The following ROBO2 variants were observed in gnomAD, a reference collection of about 807,000 sequenced individuals.
ROBO2 encodes roundabout guidance receptor 2.
ROBO2 carries 53 observed loss-of-function variants against 160.8 expected under a neutral mutation model. That is an observed-to-expected ratio of 0.33 (90% CI 0.26 to 0.41). The LOEUF (loss-of-function observed/expected upper bound fraction) is 0.41. Ranked by LOEUF, ROBO2 falls within the 10% of genes least tolerant of loss-of-function variation. ROBO2 has a pLI of 1.00. For synonymous variants in ROBO2, 664 were observed against 611.7 expected (o/e 1.09, Z -1.26); for missense variants, 1,577 against 1,722.4 (o/e 0.92, Z 1.49).
intron 2 of ROBO2, among the ~76,000 whole-genome samples, chr3:76,945,001 G>T (rs2078433192): frequency 6.6e-6 from 1 of 151,802 alleles, no homozygotes; most frequent in African/African-American, 2.4e-5. Flanking sequence ...CCATTCTCCT[G>T]CCTCAGCCTC....
chr3:76,730,218 C>A (rs2093614775), intron 2 of ROBO2, among the ~76,000 whole-genome samples: 2 of 86,432 alleles, frequency 2.3e-5, no homozygotes, highest in Non-Finnish European at 5.6e-5. Context: ...ACCTCCTACT[C>A]CCTACCCACC....
intron 1 of ROBO2, among the ~76,000 whole-genome samples, chr3:75,927,770 T>C (rs1208625201): frequency 2.6e-5 from 4 of 152,232 alleles, no homozygotes; most frequent in African/African-American, 9.6e-5. Context: ...CACTTAGAAT[T>C]ATGCTAAACA....
chr3:77,271,922 G>C (rs1448348156), intron 2 of ROBO2, among the ~76,000 whole-genome samples: 1 of 152,170 alleles, frequency 6.6e-6, no homozygotes, highest in Non-Finnish European at 1.5e-5. Context: ...TCTTTGAGTG[G>C]TGGATAGTGG....
At chr3:76,753,697 A>C (rs1446451939) in intron 2 of ROBO2, among the ~76,000 whole-genome samples, 4 of 151,924 alleles carry the variant, frequency 2.6e-5, no homozygotes, top group African/African-American at 9.7e-5. Context: ...CTATTTAAAA[A>C]GACAGAACGC....
chr3:76,726,326 ATTAT>A (rs2093552585), intron 2 of ROBO2, among the ~76,000 whole-genome samples: 1 of 152,010 alleles, frequency 6.6e-6, no homozygotes, highest in African/African-American at 2.4e-5. Context: ...GAAATCGTTA[ATTAT>A]TAGTAGTTCT....
At chr3:76,424,386 C>A (rs1577096136) in intron 2 of ROBO2, among the ~76,000 whole-genome samples, 1 of 151,958 alleles carries the variant, frequency 6.6e-6, no homozygotes, top group South Asian at 2.1e-4. Context: ...TACAAATATT[C>A]TGTGAAATAA....
At chr3:76,614,695 G>A (rs928043018) in intron 2 of ROBO2, among the ~76,000 whole-genome samples, 13 of 151,970 alleles carry the variant, frequency 8.6e-5, no homozygotes, top group Middle Eastern at 3.2e-3. Context: ...TAATGCATGC[G>A]CAATAACAGT....
intron 2 of ROBO2, among the ~76,000 whole-genome samples, chr3:76,388,107 G>C (rs145599335): frequency 8.7e-4 from 133 of 152,130 alleles, no homozygotes; most frequent in African/African-American, 2.7e-3. Flanking sequence ...TGTAATTACT[G>C]GGTCACCAAC....
At chr3:76,453,958 G>C (rs1313619805) in intron 2 of ROBO2, among the ~76,000 whole-genome samples, 1 of 152,112 alleles carries the variant, frequency 6.6e-6, no homozygotes, top group Non-Finnish European at 1.5e-5. Flanking sequence ...AGCCCAGAAA[G>C]TGCATGAGTA....
chr3:76,305,843 T>A (rs561423150), intron 2 of ROBO2, among the ~76,000 whole-genome samples: 1 of 150,516 alleles, frequency 6.6e-6, no homozygotes, highest in Non-Finnish European at 1.5e-5. Context: ...CAAGACTCCA[T>A]CTCAAAAAAA....
intron 2 of ROBO2, among the ~76,000 whole-genome samples, chr3:76,731,560 T>G (rs549827808): frequency 6.6e-6 from 1 of 152,332 alleles, no homozygotes; most frequent in African/African-American, 2.4e-5. Context: ...TTCTGTTGCC[T>G]GGCATTGAAT....
At chr3:76,091,041 G>C (rs957296684) in intron 2 of ROBO2, among the ~76,000 whole-genome samples, 1 of 152,116 alleles carries the variant, frequency 6.6e-6, no homozygotes, top group African/African-American at 2.4e-5. Context: ...CTTTGACAAT[G>C]ACTTTTTAGA....
chr3:76,625,424 A>G (rs566212473), intron 2 of ROBO2, among the ~76,000 whole-genome samples: 1 of 152,314 alleles, frequency 6.6e-6, no homozygotes, highest in African/African-American at 2.4e-5. Context: ...ACACAGCCAG[A>G]TGTCATTTTT....
chr3:77,269,379 A>G (rs553314964), intron 2 of ROBO2, among the ~76,000 whole-genome samples: 7 of 152,316 alleles, frequency 4.6e-5, no homozygotes, highest in African/African-American at 1.4e-4. Context: ...TAAATAAACC[A>G]TGCATTCCCA....
At chr3:76,061,082 T>C (rs1332934976) in intron 2 of ROBO2, among the ~76,000 whole-genome samples, 7 of 151,672 alleles carry the variant, frequency 4.6e-5, no homozygotes, top group Non-Finnish European at 1.0e-4. Flanking sequence ...TGTTTATTTA[T>C]GTTATTCTTC....
At chr3:76,743,717 T>C (rs2093839478) in intron 2 of ROBO2, among the ~76,000 whole-genome samples, 2 of 151,998 alleles carry the variant, frequency 1.3e-5, no homozygotes, top group South Asian at 4.1e-4. Context: ...TCATTCTTCC[T>C]TTTTTTCTCT....
intron 2 of ROBO2, among the ~76,000 whole-genome samples, chr3:77,203,895 CT>C (rs1245821816): frequency 2.6e-5 from 4 of 152,198 alleles, no homozygotes; most frequent in Non-Finnish European, 5.9e-5. Flanking sequence ...GCTTCCAAAA[CT>C]TATGCCCTTA....
intron 2 of ROBO2, among the ~76,000 whole-genome samples, chr3:77,204,214 C>T (rs2083192134): frequency 6.6e-6 from 1 of 152,326 alleles, no homozygotes; most frequent in East Asian, 1.9e-4. Context: ...CCCAGCACAA[C>T]TCCATTTTTA....
chr3:76,064,139 C>T (rs1028584474), intron 2 of ROBO2, among the ~76,000 whole-genome samples: 4 of 152,120 alleles, frequency 2.6e-5, no homozygotes, highest in Middle Eastern at 6.3e-3. Context: ...GCAGACTGGT[C>T]GACACCTTGA....
Sources: allele counts gnomAD v4.1 joint callset (sites outside exome capture counted in the v4.1 genomes callset), GRCh38; gene constraint gnomAD v4.1.1; transcripts MANE v1.5; gene names NCBI Gene and HGNC (gene_info 2026-07-23, HGNC 2026-07-21).